KTN1: variants seen among roughly 807,000 people sequenced by gnomAD.
KTN1 encodes the protein kinectin.
Under a neutral mutation model 222.5 loss-of-function variants are expected in KTN1, and 130 were observed. The observed-to-expected ratio is 0.58, with a 90% confidence interval of 0.51 to 0.68. The LOEUF (loss-of-function observed/expected upper bound fraction) is 0.68, where lower values mean the gene tolerates loss of function less well. Among genes scored for constraint, KTN1 ranks in the 30% least tolerant of loss-of-function variants. The probability of loss-of-function intolerance (pLI) is 0.00; values close to 1 mark genes in which losing one functional copy is unlikely to be tolerated. For missense variants in KTN1, 1,508 were observed against 1,500.4 expected, an observed-to-expected ratio of 1.01 and a Z score of -0.08; for synonymous variants, 512 against 496.3, an observed-to-expected ratio of 1.03 and a Z score of -0.42.
chr14:55,584,202 C>G (rs572328728), intron 1 of KTN1, among the ~76,000 whole-genome samples: 1 of 151,984 alleles, frequency 6.6e-6, no homozygotes, highest in African/African-American at 2.4e-5. Context: ...CTTCCACTCT[C>G]CTCATTCCCC....
intron 28 of KTN1, 131 bp from the exon 29 acceptor site, chr14:55,655,911 T>G (rs531161058): frequency 6.0e-6 from 3 of 503,442 alleles, no homozygotes; most frequent in Non-Finnish European, 1.1e-5. Flanking sequence ...AACTTCTAAG[T>G]TGGTATAATA....
rs2044149849 is a variant in KTN1 at position 55,661,606 on chromosome 14, A to G, written c.3084A>G (p.Lys1028=). The G allele has an allele frequency of 3.9e-6, 6 of 1,526,952 alleles. No homozygotes were observed. The highest frequency in any genetic ancestry group is 5.4e-6 in the Non-Finnish European group (6 of 1,101,550). The allele number at this position is 1,526,952 out of a possible 1,614,324, so 94.6% of individuals were successfully genotyped here. The part of the protein sequence containing the change: ...LKDAVEHQRK[K]NNDLREKNWE... Reference sequence around the variant, plus strand: ...ATGCAGTTGAACACCAGAGGAAGAAAAACAATGTAAGTAGATCTTTATCAG... The same window carrying G: ...ATGCAGTTGAACACCAGAGGAAGAAGAACAATGTAAGTAGATCTTTATCAG... The change falls in exon 32 of 44, where the codon AAA becomes AAG. Residue 1028 remains lysine, a synonymous_variant. Transcript: ENST00000395314.
At chr14:55,652,762 C>A in intron 25 of KTN1, 88 bp from the exon 26 acceptor site, 1 of 839,976 alleles carries the variant, frequency 1.2e-6, no homozygotes, top group Non-Finnish European at 1.9e-6. Flanking sequence ...GAGTACTACC[C>A]AAAATATACT....
In KTN1 at chr14:55,680,892, C is replaced by T. The variant is rs752741379; in HGVS notation, c.4069+1207C>T. ...ATGTAAAAATTCTGCCACATTTCCT[C>T]GCTTTTCCAAATTAGGAAATAACCT... On this transcript the variant is annotated intron_variant, in intron 43 of 43. Transcript: ENST00000395314. 29 of 381,056 alleles carry T rather than the reference C, an allele frequency of 7.6e-5. 1 individual carries two copies. The highest frequency in any genetic ancestry group is 9.3e-4 in the Middle Eastern group (1 of 1,074). The allele number at this position is 381,056 out of a possible 1,614,324, so 23.6% of individuals were successfully genotyped here.
rs1384445906 is a variant in KTN1 at position 55,678,337 on chromosome 14, T to C, written c.3856-15T>C. 1.3e-6 allele frequency: 2 copies of C among 1,497,344 alleles called. No homozygotes were observed. Among genetic ancestry groups the C allele is most frequent in the Non-Finnish European group, 1.9e-6 (2 of 1,074,006 alleles). 92.8% of individuals were successfully genotyped at this position (1,497,344 alleles called of 1,614,324 possible). On this transcript the variant is annotated splice_polypyrimidine_tract_variant and intron_variant, in intron 41 of 43. Coordinates refer to ENST00000395314, the MANE Select transcript of KTN1 (RefSeq NM_001079521.2). ...ACTGTATTACTTAGTAGCTACCATA[T>C]TGTTTTCCTTATAGGCTCAACAGTC...
rs1189304199 is a variant in KTN1 at position 55,639,483 on chromosome 14, C to T, written c.1823+261C>T. 5.3e-4 allele frequency among the ~76,000 whole-genome samples: 79 copies of T among 150,438 alleles called. 1 individual carries two copies. The highest frequency in any genetic ancestry group is 5.2e-3 in the Admixed American group (78 of 15,028). On this transcript the variant is annotated intron_variant, in intron 13 of 43. Coordinates refer to ENST00000395314, the MANE Select transcript of KTN1 (RefSeq NM_001079521.2). ...GGGGAGACTTTCATTTGAGTGTTAG[C>T]AATTATGTGGAAGAGGTAATTGTTT...
intron 4 of KTN1, 35 bp downstream of exon 4, chr14:55,618,169 T>C (rs773622245): frequency 1.3e-6 from 2 of 1,482,524 alleles, no homozygotes; most frequent in Non-Finnish European, 1.8e-6. Context: ...TGTTGTACTA[T>C]AAAAACACAT....
intron 29 of KTN1, 108 bp from the exon 30 acceptor site, chr14:55,658,438 C>A: frequency 1.4e-6 from 1 of 692,758 alleles, no homozygotes; most frequent in Non-Finnish European, 2.6e-6. Context: ...AAAATTATTG[C>A]TATTTTGGAA....
intron 18 of KTN1, chr14:55,644,339 T>A (rs1442047076): frequency 2.7e-5 from 19 of 701,090 alleles, no homozygotes; most frequent in Non-Finnish European, 2.6e-6. Flanking sequence ...ACCCCATGGA[T>A]TTTTATTCTG....
chr14:55,637,571 G>T (rs2041282709), intron 11 of KTN1, among the ~76,000 whole-genome samples: 1 of 150,990 alleles, frequency 6.6e-6, no homozygotes, highest in African/African-American at 2.4e-5. Context: ...GTTAGATTAG[G>T]AATAGCACAA....
At chr14:55,651,047 T>C (rs943134143) in intron 24 of KTN1, among the ~76,000 whole-genome samples, 1 of 152,188 alleles carries the variant, frequency 6.6e-6, no homozygotes, top group Non-Finnish European at 1.5e-5. Context: ...GACATAGATG[T>C]GATTACTGGA....
chr14:55,679,009 C>T (rs771022617), intron 42 of KTN1: 29 of 155,054 alleles, frequency 1.9e-4, no homozygotes, highest in Admixed American at 5.8e-4. Flanking sequence ...TGTTTGAATC[C>T]TGGCTCTGCC....
intron 1 of KTN1, among the ~76,000 whole-genome samples, chr14:55,581,359 C>T (rs578093801): frequency 1.3e-5 from 2 of 152,338 alleles, no homozygotes; most frequent in African/African-American, 4.8e-5. Flanking sequence ...AATCTAAATT[C>T]AGAACTGTGT....
chr14:55,641,262 T>C, intron 17 of KTN1, 54 bp downstream of exon 17: 1 of 1,001,106 alleles, frequency 1.0e-6, no homozygotes, highest in Non-Finnish European at 1.5e-6. Flanking sequence ...TGTATACTTT[T>C]CAGTTGAGTG....
At chr14:55,660,285 G>A (rs1019694371) in intron 31 of KTN1, among the ~76,000 whole-genome samples, 9 of 151,902 alleles carry the variant, frequency 5.9e-5, no homozygotes, top group African/African-American at 1.9e-4. Context: ...GGCTGAAGTG[G>A]GAGGATCTTT....
intron 6 of KTN1, among the ~76,000 whole-genome samples, chr14:55,629,127 G>T (rs183721243): frequency 4.7e-4 from 72 of 152,202 alleles, no homozygotes; most frequent in African/African-American, 1.5e-3. Context: ...TTTAAGATTT[G>T]ACTTAGTGGC....
At chr14:55,658,751 A>G (rs2043780314) in intron 30 of KTN1, 137 bp downstream of exon 30, 3 of 600,232 alleles carry the variant, frequency 5.0e-6, no homozygotes, top group Non-Finnish European at 8.8e-6. Flanking sequence ...CAAATTTTAT[A>G]TAAAAGAAAG....
chr14:55,613,164 G>T (rs967351951), intron 2 of KTN1, among the ~76,000 whole-genome samples: 1 of 152,306 alleles, frequency 6.6e-6, no homozygotes, highest in South Asian at 2.1e-4. Flanking sequence ...AGGTAGTCGT[G>T]TGCTAGCTGT....
chr14:55,668,726 G>C (rs983270659), intron 34 of KTN1: 1 of 152,120 alleles, frequency 6.6e-6, no homozygotes, highest in African/African-American at 2.4e-5. Flanking sequence ...AGGTGCTCCT[G>C]ATTTATCATA....
Sources: allele counts gnomAD v4.1 joint callset (sites outside exome capture counted in the v4.1 genomes callset), GRCh38; gene constraint gnomAD v4.1.1; transcripts MANE v1.5; gene names NCBI Gene and HGNC (gene_info 2026-07-23, HGNC 2026-07-21).